ATXN10: variants seen among roughly 807,000 people sequenced by gnomAD.
The protein encoded by ATXN10 is ataxin-10.
ATXN10 carries 28 observed loss-of-function variants against 52.9 expected under a neutral mutation model. The ratio of observed to expected loss-of-function variants is 0.53; its 90% CI spans 0.39 to 0.73. The LOEUF (loss-of-function observed/expected upper bound fraction) is 0.73. Among genes scored for constraint, ATXN10 ranks in the 30% least tolerant of loss-of-function variants. The probability of loss-of-function intolerance (pLI) is 0.00; values close to 1 mark genes in which losing one functional copy is unlikely to be tolerated. For missense variants in ATXN10, 565 were observed against 577.0 expected (o/e 0.98, Z 0.21); for synonymous variants, 226 against 221.5 (o/e 1.02, Z -0.18).
At chr22:45,788,516 C>T (rs1189632837) in intron 9 of ATXN10, among the ~76,000 whole-genome samples, 1 of 151,844 alleles carries the variant, frequency 6.6e-6, no homozygotes, top group African/African-American at 2.4e-5. Context: ...CATCACCTTT[C>T]ATTCAGCGTC....
At chr22:45,831,115 G>T (rs187137546) in intron 10 of ATXN10, among the ~76,000 whole-genome samples, 1 of 152,158 alleles carries the variant, frequency 6.6e-6, no homozygotes, top group Non-Finnish European at 1.5e-5. Flanking sequence ...CAGTCATACC[G>T]TGTCAGCTTA....
intron 9 of ATXN10, among the ~76,000 whole-genome samples, chr22:45,745,354 G>A (rs1042361739): frequency 2.6e-5 from 4 of 152,012 alleles, no homozygotes; most frequent in South Asian, 2.1e-4. Flanking sequence ...CCTTCCGCCC[G>A]CCAAGGAAAT....
intron 9 of ATXN10, among the ~76,000 whole-genome samples, chr22:45,764,054 A>G (rs543908163): frequency 6.6e-6 from 1 of 152,086 alleles, no homozygotes; most frequent in East Asian, 1.9e-4. Context: ...CTTCTCCCTG[A>G]TCCTGCAGCG....
rs533548571 is a variant in ATXN10 at position 45,769,317 on chromosome 22, G to A, written c.1173+28779G>A. On this transcript the variant is annotated intron_variant, in intron 9 of 11. Transcript: ENST00000252934. The surrounding 1 kb of genome is among the most constrained non-coding windows in gnomAD (Gnocchi z 4.2). ...TCCCCCATACAGACACATTTTTGTT[G>A]TTATATTCATAGACACAACAGACAT... is the stretch of plus-strand genomic sequence containing the variant. 6.6e-6 allele frequency among the ~76,000 whole-genome samples: 1 copy of A among 152,158 alleles called. No individual in the cohort carries two copies. Among genetic ancestry groups the A allele is most frequent in the East Asian group, 1.9e-4 (1 of 5,160 alleles).
At position 45,757,811 on chromosome 22, in the gene ATXN10, C is replaced by T. The variant is rs1926229831; in HGVS notation, c.1173+17273C>T. Among the ~76,000 whole-genome samples the T allele has an allele frequency of 1.3e-5, 2 of 152,106 alleles. No individual in the cohort carries two copies. Among genetic ancestry groups the T allele is most frequent in the South Asian group, 4.1e-4 (2 of 4,820 alleles). ...AGAATTATTCTCTATTAGTACTTTT[C>T]TTACATGATTCAACTTGGACTTATT... On this transcript the variant is annotated intron_variant, in intron 9 of 11. Coordinates refer to ENST00000252934, the MANE Select transcript of ATXN10 (RefSeq NM_013236.4). The surrounding 1 kb of genome is among the most constrained non-coding windows in gnomAD (Gnocchi z 4.6).
At chr22:45,738,920 C>A in intron 8 of ATXN10, 81 bp downstream of exon 8, 1 of 1,249,692 alleles carries the variant, frequency 8.0e-7, no homozygotes, top group Non-Finnish European at 1.2e-6. Flanking sequence ...AAATACAAAT[C>A]CTTAATTTTC....
chr22:45,730,782 A>C (rs866787207), intron 7 of ATXN10, among the ~76,000 whole-genome samples: 2 of 152,204 alleles, frequency 1.3e-5, no homozygotes, highest in African/African-American at 4.8e-5. Context: ...ACTGTAGTAC[A>C]TGCCTTTATA....
At chr22:45,691,195 C>A (rs765117728) in intron 2 of ATXN10, among the ~76,000 whole-genome samples, 3 of 152,184 alleles carry the variant, frequency 2.0e-5, no homozygotes, top group Non-Finnish European at 4.4e-5. Context: ...AAGCATCTGG[C>A]CAGAAGGCTA....
intron 6 of ATXN10, among the ~76,000 whole-genome samples, chr22:45,721,336 G>C (rs1924642397): frequency 6.6e-6 from 1 of 152,112 alleles, no homozygotes; most frequent in South Asian, 2.1e-4. Flanking sequence ...AGTAGTTAAG[G>C]ACAGATGCTA....
In ATXN10 at chr22:45,705,066, A is replaced by G; in HGVS notation, c.647+2219A>G. Among the ~76,000 whole-genome samples, 1 of 152,262 alleles carries G rather than the reference A, an allele frequency of 6.6e-6. No individual in the cohort carries two copies. Among genetic ancestry groups the G allele is most frequent in the East Asian group, 1.9e-4 (1 of 5,200 alleles). ...TTAGTCTATTAATACTTTGTCTAAC[A>G]GTGATTTTTATACTTTAAATCAACT... On this transcript the variant is annotated intron_variant, in intron 5 of 11. Coordinates refer to ENST00000252934, the MANE Select transcript of ATXN10 (RefSeq NM_013236.4). The surrounding 1 kb of genome is among the most constrained non-coding windows in gnomAD (Gnocchi z 5.2).
intron 9 of ATXN10, among the ~76,000 whole-genome samples, chr22:45,806,383 A>G (rs936829014): frequency 6.6e-6 from 1 of 151,944 alleles, no homozygotes; most frequent in African/African-American, 2.4e-5. Flanking sequence ...CTGTTTTTCT[A>G]TTGTATTGTT....
intron 6 of ATXN10, among the ~76,000 whole-genome samples, chr22:45,720,172 A>G (rs1924594955): frequency 6.6e-6 from 1 of 152,180 alleles, no homozygotes; most frequent in Non-Finnish European, 1.5e-5. Flanking sequence ...CTTATCAGTT[A>G]TACTATCCCA....
chr22:45,696,636 A>G lies in ATXN10; in HGVS notation c.391+3558A>G, dbSNP rs2146747033. Among the ~76,000 whole-genome samples the G allele has an allele frequency of 6.6e-6, 1 of 152,256 alleles. No individual in the cohort carries two copies. The highest frequency in any genetic ancestry group is 1.9e-4 in the East Asian group (1 of 5,178). The stretch of plus-strand genomic sequence containing the variant: ...TCCATCATTTTCATCAGCAAGTAAT[A>G]TGCCCTCCCATTTTTCATTTAAAAA... On this transcript the variant is annotated intron_variant, in intron 3 of 11. Transcript: ENST00000252934. This position sits in a 1 kb window ranked among gnomAD's most constrained non-coding sequence, Gnocchi z 4.7.
At position 45,835,602 on chromosome 22, in the gene ATXN10, A is replaced by G. The variant is rs1929141142; in HGVS notation, c.1238-7389A>G. Among the ~76,000 whole-genome samples, 1 of 152,228 alleles carries G rather than the reference A, an allele frequency of 6.6e-6. No homozygotes were observed. The highest frequency in any genetic ancestry group is 1.9e-4 in the East Asian group (1 of 5,192). ...TCTAGTGGACAGAGGTGTGAAATGTAGTTCTGTCAAACTCAGCAGTGTTTT... is the reference window on the plus strand; with the variant it reads ...TCTAGTGGACAGAGGTGTGAAATGTGGTTCTGTCAAACTCAGCAGTGTTTT... On this transcript the variant is annotated intron_variant, in intron 10 of 11. Coordinates refer to ENST00000252934, the MANE Select transcript of ATXN10 (RefSeq NM_013236.4). This position sits in a 1 kb window ranked among gnomAD's most constrained non-coding sequence, Gnocchi z 5.0.
intron 1 of ATXN10, among the ~76,000 whole-genome samples, chr22:45,685,312 G>A (rs1272991669): frequency 6.6e-6 from 1 of 151,932 alleles, no homozygotes; most frequent in African/African-American, 2.4e-5. Context: ...GGATTTTTTT[G>A]GTTCTGTAAT....
At chr22:45,817,332 T>C (rs1411227011) in intron 10 of ATXN10, among the ~76,000 whole-genome samples, 1 of 150,530 alleles carries the variant, frequency 6.6e-6, no homozygotes. Flanking sequence ...TTTTTTTTTT[T>C]TTTTTTTTTT....
rs1254306547 is a variant in ATXN10, at chr22:45,805,222, T to C, written c.1174-1737T>C. 6.6e-6 allele frequency among the ~76,000 whole-genome samples: 1 copy of C among 152,220 alleles called. No individual in the cohort carries two copies. The highest frequency in any genetic ancestry group is 1.5e-5 in the Non-Finnish European group (1 of 68,034). The stretch of plus-strand genomic sequence containing the variant: ...CAGACAATAGCAAGTGTTTATGAGA[T>C]TGTGGAGATGCTGGAACCCTCATAA... On this transcript the variant is annotated intron_variant, in intron 9 of 11. Transcript: ENST00000252934. This position sits in a 1 kb window ranked among gnomAD's most constrained non-coding sequence, Gnocchi z 4.4.
intron 6 of ATXN10, among the ~76,000 whole-genome samples, chr22:45,723,432 G>T (rs964868606): frequency 6.6e-6 from 1 of 151,950 alleles, no homozygotes; most frequent in Non-Finnish European, 1.5e-5. Context: ...CACATGGATG[G>T]GTTGTATAGT....
chr22:45,766,513 A>T lies in ATXN10; in HGVS notation c.1173+25975A>T, dbSNP rs978696129. Among the ~76,000 whole-genome samples, 3 of 152,216 alleles carry T rather than the reference A, an allele frequency of 2.0e-5. No homozygotes were observed. The highest frequency in any genetic ancestry group is 7.2e-5 in the African/African-American group (3 of 41,444). On this transcript the variant is annotated intron_variant, in intron 9 of 11. Transcript: ENST00000252934. The surrounding 1 kb of genome is among the most constrained non-coding windows in gnomAD (Gnocchi z 4.6). ...GAACTCCTCCTTTAGATAAAACTGGATACATCCCTTATAACATAGACATCA... is the reference window on the plus strand; with the variant it reads ...GAACTCCTCCTTTAGATAAAACTGGTTACATCCCTTATAACATAGACATCA...
Sources: allele counts gnomAD v4.1 joint callset (sites outside exome capture counted in the v4.1 genomes callset), GRCh38; gene constraint gnomAD v4.1.1; non-coding constraint Gnocchi (gnomAD v3.1); transcripts MANE v1.5; gene names NCBI Gene and HGNC (gene_info 2026-07-23, HGNC 2026-07-21).